LAMC2: variants seen among roughly 807,000 people sequenced by gnomAD.
LAMC2 encodes the protein laminin subunit gamma 2.
A neutral mutation model predicts 140.2 loss-of-function variants in LAMC2; 97 were observed. The observed-to-expected ratio is 0.69, with a 90% CI of 0.59 to 0.82. LAMC2 has a LOEUF of 0.82. Ranked by LOEUF, LAMC2 falls within the 40% of genes least tolerant of loss-of-function variation. The pLI is 0.00. For synonymous variants in LAMC2, 513 were observed against 540.2 expected (o/e 0.95, Z 0.70); for missense variants, 1,402 against 1,476.1 (o/e 0.95, Z 0.82).
At chr1:183,203,604 ATGCAAAAGGAGCT>A (rs1658792202) in intron 1 of LAMC2, among the ~76,000 whole-genome samples, 1 of 151,210 alleles carries the variant, frequency 6.6e-6, no homozygotes, top group Non-Finnish European at 1.5e-5. Flanking sequence ...GCATCATTCC[ATGCAAAAGGAGCT>A]TGGAACAAGC....
Position 183,236,365 on chromosome 1 carries a change from GACA to G in LAMC2, c.2457-91_2457-89del, listed in dbSNP as rs529441109. The G allele has an allele frequency of 1.9e-5, 23 of 1,215,640 alleles. No homozygotes were observed. The East Asian group carries it at 5.5e-4, about 29-fold the overall frequency. The allele number at this position is 1,215,640 out of a possible 1,614,324, so 75.3% of individuals were successfully genotyped here. ...GATCACGCCACTGCACTCCAGCCTG[GACA>G]ACAGAGTGAAACCCTGTCTCAAAAA... is the stretch of plus-strand genomic sequence containing the variant. On this transcript the variant is annotated intron_variant, in intron 16 of 22. Coordinates refer to ENST00000264144, the MANE Select transcript of LAMC2 (RefSeq NM_005562.3).
chr1:183,204,955 TG>T (rs769363697), intron 1 of LAMC2, among the ~76,000 whole-genome samples: 21 of 152,234 alleles, frequency 1.4e-4, no homozygotes, highest in Admixed American at 9.1e-4. Context: ...CCCAAGTAGC[TG>T]GGATTACAGG....
At chr1:183,246,946 A>T (rs1481193418), downstream of LAMC2, among the ~76,000 whole-genome samples, 1 of 152,256 alleles carries the variant, frequency 6.6e-6, no homozygotes, top group South Asian at 2.1e-4. Context: ...GTATGTGCAC[A>T]TATGTTAATT....
chr1:183,216,567 G>C (rs1219599876), intron 3 of LAMC2, among the ~76,000 whole-genome samples: 1 of 152,074 alleles, frequency 6.6e-6, no homozygotes, highest in Non-Finnish European at 1.5e-5. Flanking sequence ...AAAGAGCCAA[G>C]TGCATGTGGC....
At position 183,223,135 on chromosome 1, in the gene LAMC2, C is replaced by G. The variant is rs1357168061; in HGVS notation, c.764C>G (p.Ala255Gly). ...AATCTTTTAAAACTCTGTTTCACAGCCAAATTTCTTGGGAATCAACAGGTG... is the reference window on the plus strand; with the variant it reads ...AATCTTTTAAAACTCTGTTTCACAGGCAAATTTCTTGGGAATCAACAGGTG... ...RLDPVYFVAPAKFLGNQQVSY... is the reference protein window; with the variant it reads ...RLDPVYFVAPGKFLGNQQVSY... The change falls in exon 7 of 23, where the codon GCC becomes GGC. Residue 255 changes from alanine to glycine, a missense_variant and splice_region_variant. This residue lies in a region of LAMC2 where 723 missense variants were observed against 783.3 expected (regional missense o/e 0.92). Coordinates refer to ENST00000264144, the MANE Select transcript of LAMC2 (RefSeq NM_005562.3). The G allele has an allele frequency of 6.2e-7, 1 of 1,613,896 alleles. No individual in the cohort carries two copies. Among genetic ancestry groups the G allele is most frequent in the Non-Finnish European group, 8.5e-7 (1 of 1,179,972 alleles).
rs761388039 is a variant in LAMC2 at position 183,228,616 on chromosome 1, C to T, written c.1711C>T (p.Arg571Ter). ...PLAPNPADKCRACNCNPMGSE... is the reference protein window; with the variant it reads ...PLAPNPADKC ...GGCTCCCAACCCAGCAGACAAGTGT[C>T]GAGGTAGGACTCCACCCCAGGCAGG... Residue 571 changes from arginine (R) to a stop codon, truncating the protein, a stop_gained, in exon 11 of 23, where the codon CGA (arginine) becomes TGA (stop). Coordinates refer to ENST00000264144, the MANE Select transcript of LAMC2 (RefSeq NM_005562.3). LOFTEE classifies it high-confidence loss of function. This position sits in a 1 kb window ranked among gnomAD's most constrained non-coding sequence, Gnocchi z 4.3. 2.5e-6 allele frequency: 4 copies of T among 1,613,824 alleles called. No homozygotes were observed. The highest frequency in any genetic ancestry group is 2.5e-6 in the Non-Finnish European group (3 of 1,180,034).
intron 1 of LAMC2, among the ~76,000 whole-genome samples, chr1:183,203,277 G>A (rs1038641393): frequency 1.3e-5 from 2 of 152,170 alleles, no homozygotes; most frequent in African/African-American, 2.4e-5. Flanking sequence ...CGCCCTTTGG[G>A]CAGAATCCCC....
chr1:183,227,455 G>A, intron 9 of LAMC2, 60 bp from the exon 10 acceptor site: 1 of 1,465,026 alleles, frequency 6.8e-7, no homozygotes, highest in Non-Finnish European at 9.6e-7. Context: ...CCATGTTGAA[G>A]GAAATGTATT....
the LAMC2 span, among the ~76,000 whole-genome samples, chr1:183,254,536 C>T: frequency 6.6e-6 from 1 of 152,020 alleles, no homozygotes; most frequent in South Asian, 2.1e-4. Flanking sequence ...CTCCTGGGCT[C>T]AAGCAATCCT....
intron 15 of LAMC2, 35 bp downstream of exon 15, chr1:183,234,481 C>T: frequency 6.5e-7 from 1 of 1,533,088 alleles, no homozygotes; most frequent in Non-Finnish European, 9.0e-7. Flanking sequence ...TGCTTCAAGC[C>T]GTCTCTGCAA....
chr1:183,220,711 A>C, intron 4 of LAMC2, 114 bp from the exon 5 acceptor site: 1 of 1,146,098 alleles, frequency 8.7e-7, no homozygotes, highest in East Asian at 2.6e-5. Context: ...CCCTCCTCTG[A>C]AAATTAATAG....
chr1:183,227,594 C>A lies in LAMC2; in HGVS notation c.1365C>A (p.Asp455Glu). 1.2e-6 allele frequency: 2 copies of A among 1,614,144 alleles called. No homozygotes were observed. The highest frequency in any genetic ancestry group is 1.3e-5 in the African/African-American group (1 of 75,026). ...TTGGTTTCTACAACGATCCGCACGA[C>A]CCCCGCAGCTGCAAGCCATGTCCCT... is the stretch of plus-strand genomic sequence containing the variant. ...CPIGFYNDPH[D>E]PRSCKPCPCH... Residue 455 changes from aspartate to glutamate, a missense_variant, in exon 10 of 23, where the codon GAC (aspartate) becomes GAA (glutamate). Around this residue, in one of 3 missense-constraint regions of LAMC2, gnomAD observed 723 missense variants for 783.3 expected, o/e 0.92. Transcript: ENST00000264144.
intron 1 of LAMC2, among the ~76,000 whole-genome samples, chr1:183,200,863 C>G (rs898502519): frequency 6.6e-6 from 1 of 152,194 alleles, no homozygotes; most frequent in Non-Finnish European, 1.5e-5. Flanking sequence ...TGAGGGTCAG[C>G]AACTGTGTGC....
intron 7 of LAMC2, among the ~76,000 whole-genome samples, chr1:183,225,339 C>G (rs111747862): frequency 2.0e-5 from 3 of 152,136 alleles, no homozygotes; most frequent in Non-Finnish European, 4.4e-5. Context: ...TGAGAACTTG[C>G]GATCATCATG....
At chr1:183,191,558 T>C (rs1474905461) in intron 1 of LAMC2, among the ~76,000 whole-genome samples, 1 of 151,466 alleles carries the variant, frequency 6.6e-6, no homozygotes, top group Non-Finnish European at 1.5e-5. Flanking sequence ...GAATCATCTA[T>C]TAGAGATCAG....
chr1:183,235,066 A>G (rs1659910848), intron 15 of LAMC2, among the ~76,000 whole-genome samples: 1 of 152,054 alleles, frequency 6.6e-6, no homozygotes, highest in African/African-American at 2.4e-5. Context: ...CTGCCTCCTG[A>G]GCTCGTTTTT....
In LAMC2 at chr1:183,225,590, T is replaced by G. The variant is rs1283154594; in HGVS notation, c.954-18T>G. The stretch of plus-strand genomic sequence containing the variant: ...GTAAGAATCGGATTTTTAAAGCTTT[T>G]GATTTTAAATTATGCAGGTTAAATG... On this transcript the variant is annotated intron_variant, in intron 7 of 22. Transcript: ENST00000264144. 6.5e-7 allele frequency: 1 copy of G among 1,545,272 alleles called. No homozygotes were observed. Among genetic ancestry groups the G allele is most frequent in the African/African-American group, 1.4e-5 (1 of 73,594 alleles).
intron 4 of LAMC2, among the ~76,000 whole-genome samples, chr1:183,219,141 A>T (rs1430174305): frequency 6.6e-6 from 1 of 152,148 alleles, no homozygotes; most frequent in Non-Finnish European, 1.5e-5. Context: ...GAGGCTGTTG[A>T]GCAGAGGGCT....
rs201470150 is a variant in LAMC2, at chr1:183,237,411, G to C, written c.2661G>C (p.Arg887Ser). ...KADSLSSLVTRHMDEFKRTQK... is the reference protein window; with the variant it reads ...KADSLSSLVTSHMDEFKRTQK... Reference sequence around the variant, plus strand: ...ATTCACTCTCAAGCCTGGTAACCAGGCATATGGATGAGTTCAAGCGTACAC... The same window carrying C: ...ATTCACTCTCAAGCCTGGTAACCAGCCATATGGATGAGTTCAAGCGTACAC... Residue 887 changes from arginine to serine, a missense_variant, in exon 18 of 23, where the codon AGG becomes AGC. Around this residue, in one of 3 missense-constraint regions of LAMC2, gnomAD observed 670 missense variants for 667.2 expected, o/e 1.00. Transcript: ENST00000264144. 4 of 1,614,114 alleles carry C rather than the reference G, an allele frequency of 2.5e-6. No individual in the cohort carries two copies. The highest frequency in any genetic ancestry group is 3.4e-6 in the Non-Finnish European group (4 of 1,179,960).
Sources: allele counts gnomAD v4.1 joint callset (sites outside exome capture counted in the v4.1 genomes callset), GRCh38; gene constraint gnomAD v4.1.1; regional missense constraint gnomAD v4.1.1; non-coding constraint Gnocchi (gnomAD v3.1); transcripts MANE v1.5; gene names NCBI Gene and HGNC (gene_info 2026-07-23, HGNC 2026-07-21).